Variants in TBC1D22A observed in about 807,000 individuals in gnomAD.
TBC1D22A encodes the protein putative GTPase activator.
A neutral mutation model predicts 60.2 loss-of-function variants in TBC1D22A; 38 were observed. That is an observed-to-expected ratio of 0.63 (90% CI 0.49 to 0.83). The LOEUF is 0.83. Ranked by LOEUF, TBC1D22A falls within the 40% of genes least tolerant of loss-of-function variation. The pLI, the probability that TBC1D22A is intolerant of heterozygous loss-of-function variation, is 0.00. For synonymous variants in TBC1D22A, 302 were observed against 281.7 expected, an observed-to-expected ratio of 1.07 and a Z score of -0.72; for missense variants, 628 against 701.0, an observed-to-expected ratio of 0.90 and a Z score of 1.18.
chr22:47,171,804 C>T (rs1025449512), intron 12 of TBC1D22A, among the ~76,000 whole-genome samples: 7 of 152,172 alleles, frequency 4.6e-5, no homozygotes, highest in Non-Finnish European at 7.4e-5. Flanking sequence ...CCTCAGTGGA[C>T]GTAGGTCAGT....
At chr22:47,130,590 G>C (rs1236202790) in intron 12 of TBC1D22A, among the ~76,000 whole-genome samples, 1 of 152,192 alleles carries the variant, frequency 6.6e-6, no homozygotes, top group Non-Finnish European at 1.5e-5. Flanking sequence ...GAGATTCGCT[G>C]CCATGTGACT....
At chr22:47,094,100 G>C (rs1026526678) in intron 11 of TBC1D22A, among the ~76,000 whole-genome samples, 2 of 152,156 alleles carry the variant, frequency 1.3e-5, no homozygotes, top group Admixed American at 6.5e-5. Context: ...GCTATAAGCT[G>C]GTAGTTTCAG....
chr22:47,001,223 C>A (rs2061396389), intron 10 of TBC1D22A, among the ~76,000 whole-genome samples: 1 of 151,730 alleles, frequency 6.6e-6, no homozygotes, highest in South Asian at 2.1e-4. Context: ...TGGAGTTCCC[C>A]AGAATGCTAG....
At chr22:47,023,924 G>C (rs1356184365) in intron 10 of TBC1D22A, among the ~76,000 whole-genome samples, 1 of 152,248 alleles carries the variant, frequency 6.6e-6, no homozygotes, top group Non-Finnish European at 1.5e-5. Flanking sequence ...AAAGTGGCAA[G>C]TCTAGGAATG....
At chr22:46,985,180 TG>T (rs1405017274) in intron 9 of TBC1D22A, among the ~76,000 whole-genome samples, 2 of 152,236 alleles carry the variant, frequency 1.3e-5, no homozygotes, top group Non-Finnish European at 2.9e-5. Context: ...GCACTCCAGC[TG>T]AGCTCTGATT....
chr22:46,871,104 CAA>C (rs1793485746), intron 4 of TBC1D22A, among the ~76,000 whole-genome samples: 1 of 152,058 alleles, frequency 6.6e-6, no homozygotes, highest in Non-Finnish European at 1.5e-5. Context: ...GACCTCAAGA[CAA>C]AGAGTTGTAT....
At chr22:47,129,489 A>G (rs2066605907) in intron 12 of TBC1D22A, among the ~76,000 whole-genome samples, 1 of 152,216 alleles carries the variant, frequency 6.6e-6, no homozygotes, top group African/African-American at 2.4e-5. Context: ...AAACAAACAA[A>G]AAAACAAAAA....
intron 1 of TBC1D22A, among the ~76,000 whole-genome samples, chr22:46,778,267 T>C (rs189335745): frequency 1.3e-5 from 2 of 152,228 alleles, no homozygotes; most frequent in East Asian, 1.9e-4. Context: ...ACACCTTCTT[T>C]CTTCAGTAGT....
intron 10 of TBC1D22A, among the ~76,000 whole-genome samples, chr22:47,016,311 A>C (rs1410839557): frequency 6.6e-6 from 1 of 152,086 alleles, no homozygotes; most frequent in Admixed American, 6.5e-5. Flanking sequence ...TGTGGGTGCC[A>C]TCATCCTGGC....
chr22:46,854,905 A>G (rs1031425097), intron 4 of TBC1D22A, among the ~76,000 whole-genome samples: 24 of 152,346 alleles, frequency 1.6e-4, no homozygotes, highest in South Asian at 4.1e-4. Flanking sequence ...ATCTCTGCCT[A>G]ATACTTGTGA....
intron 10 of TBC1D22A, among the ~76,000 whole-genome samples, chr22:47,011,448 T>C (rs1191919436): frequency 1.3e-5 from 2 of 152,126 alleles, no homozygotes; most frequent in Non-Finnish European, 2.9e-5. Flanking sequence ...TGAGGAGTGG[T>C]CGTTGCTTCT....
chr22:46,824,934 A>T (rs2085985139), intron 4 of TBC1D22A, among the ~76,000 whole-genome samples: 1 of 152,112 alleles, frequency 6.6e-6, no homozygotes, highest in Non-Finnish European at 1.5e-5. Flanking sequence ...AGCTGGACAC[A>T]GGTGTGTCTG....
chr22:46,946,800 G>A (rs576629670), intron 8 of TBC1D22A, among the ~76,000 whole-genome samples: 3 of 152,302 alleles, frequency 2.0e-5, no homozygotes, highest in African/African-American at 4.8e-5. Flanking sequence ...AGACCAGCGT[G>A]CTTGACTGCA....
rs532183330 is a variant in TBC1D22A at position 46,874,731 on chromosome 22, G to A, written c.638-3922G>A. 1.3e-4 allele frequency among the ~76,000 whole-genome samples: 19 copies of A among 151,826 alleles called. No individual in the cohort carries two copies. The East Asian group carries it at 3.3e-3, about 26-fold the overall frequency. On this transcript the variant is annotated intron_variant, in intron 4 of 12. Coordinates refer to ENST00000337137, the MANE Select transcript of TBC1D22A (RefSeq NM_014346.5). ...TGGGATTACAGGTGCATGCCACCACGCCTGGCTAATTTTTCTATTTTTAGT... is the reference window on the plus strand; with the variant it reads ...TGGGATTACAGGTGCATGCCACCACACCTGGCTAATTTTTCTATTTTTAGT...
At chr22:47,012,022 G>A (rs913464998) in intron 10 of TBC1D22A, among the ~76,000 whole-genome samples, 1 of 151,536 alleles carries the variant, frequency 6.6e-6, no homozygotes, top group Non-Finnish European at 1.5e-5. Flanking sequence ...TCCCCACCCC[G>A]CCCCCAGCTG....
intron 12 of TBC1D22A, among the ~76,000 whole-genome samples, chr22:47,138,305 C>T (rs1336362454): frequency 2.6e-5 from 4 of 152,120 alleles, no homozygotes; most frequent in South Asian, 2.1e-4. Flanking sequence ...AAGGCACTTT[C>T]GGCCTCTGGG....
intron 11 of TBC1D22A, among the ~76,000 whole-genome samples, chr22:47,082,134 G>A (rs2064493641): frequency 6.6e-6 from 1 of 152,102 alleles, no homozygotes; most frequent in Admixed American, 6.6e-5. Flanking sequence ...CTCCAGCCTG[G>A]GCGACAGAGC....
At chr22:46,847,652 C>T (rs1273739305) in intron 4 of TBC1D22A, among the ~76,000 whole-genome samples, 4 of 152,100 alleles carry the variant, frequency 2.6e-5, no homozygotes, top group African/African-American at 9.7e-5. Flanking sequence ...TTGATGATGT[C>T]TGAGGTCTGT....
At chr22:47,062,170 TTTC>T (rs1425562248) in intron 11 of TBC1D22A, among the ~76,000 whole-genome samples, 1 of 151,584 alleles carries the variant, frequency 6.6e-6, no homozygotes, top group Non-Finnish European at 1.5e-5. Flanking sequence ...CGCGGATTGT[TTTC>T]CCAGGGTTCC....
Sources: gnomAD v4.1 joint callset for allele counts (sites outside exome capture counted in the v4.1 genomes callset) on GRCh38, gnomAD v4.1.1 for gene constraint, MANE v1.5 for transcripts, NCBI Gene and HGNC (gene_info 2026-07-23, HGNC 2026-07-21) for gene names.